STPG2: variants seen among roughly 807,000 people sequenced by gnomAD.
STPG2 encodes sperm-tail PG-rich repeat-containing protein 2.
Under a neutral mutation model 54.2 loss-of-function variants are expected in STPG2, and 56 were observed. The observed-to-expected ratio is 1.03, with a 90% CI of 0.83 to 1.29. The LOEUF (loss-of-function observed/expected upper bound fraction) is 1.29. Ranked by LOEUF, STPG2 falls within the 50% of genes most tolerant of loss-of-function variation. The pLI, the probability that STPG2 is intolerant of heterozygous loss-of-function variation, is 0.00. For missense variants in STPG2, 596 were observed against 544.9 expected, an observed-to-expected ratio of 1.09 and a Z score of -0.93; for synonymous variants, 200 against 181.8, an observed-to-expected ratio of 1.10 and a Z score of -0.81.
intron 4 of STPG2, among the ~76,000 whole-genome samples, chr4:97,549,704 G>T (rs1731923101): frequency 1.3e-5 from 2 of 152,118 alleles, no homozygotes; most frequent in Non-Finnish European, 2.9e-5. Flanking sequence ...AGAGAAGAAG[G>T]TCATGTAAAG....
At chr4:97,517,868 T>C (rs1731106439) in intron 4 of STPG2, among the ~76,000 whole-genome samples, 1 of 152,082 alleles carries the variant, frequency 6.6e-6, no homozygotes, top group Non-Finnish European at 1.5e-5. Context: ...TTGTTCATTT[T>C]CCTGTTTGAA....
At chr4:97,648,213 C>T (rs138597937) in intron 10 of STPG2, among the ~76,000 whole-genome samples, 99 of 152,138 alleles carry the variant, frequency 6.5e-4, no homozygotes, top group African/African-American at 2.2e-3. Flanking sequence ...TAAAGCCATC[C>T]CAGTGTGTGG....
At chr4:98,124,491 G>A (rs1183599681) in intron 3 of STPG2, among the ~76,000 whole-genome samples, 1 of 152,156 alleles carries the variant, frequency 6.6e-6, no homozygotes, top group Admixed American at 6.5e-5. Flanking sequence ...CTTTCAGAAT[G>A]TTGAATATTG....
intron 9 of STPG2, among the ~76,000 whole-genome samples, chr4:97,798,755 G>A (rs1413013859): frequency 1.6e-4 from 14 of 88,460 alleles, no homozygotes; most frequent in Non-Finnish European, 2.0e-4. Context: ...TTTCTGTCTC[G>A]TTGATCTGTC....
chr4:98,003,133 TA>T (rs1413430033), intron 5 of STPG2, among the ~76,000 whole-genome samples: 14 of 152,082 alleles, frequency 9.2e-5, no homozygotes, highest in Admixed American at 9.2e-4. Flanking sequence ...GGCTGTCTGA[TA>T]AGTCTGGATA....
At chr4:97,600,109 G>A (rs111843241) in intron 10 of STPG2, among the ~76,000 whole-genome samples, 41 of 152,184 alleles carry the variant, frequency 2.7e-4, no homozygotes, top group African/African-American at 9.1e-4. Flanking sequence ...TTGGTGGAGC[G>A]TGAGGATCAA....
intron 8 of STPG2, among the ~76,000 whole-genome samples, chr4:97,867,101 G>C (rs962649954): frequency 4.0e-5 from 6 of 151,898 alleles, no homozygotes; most frequent in African/African-American, 1.5e-4. Context: ...CCTAGAATCT[G>C]TTTATTGATC....
intron 5 of STPG2, among the ~76,000 whole-genome samples, chr4:98,065,848 G>A (rs1737817691): frequency 6.6e-6 from 1 of 151,902 alleles, no homozygotes; most frequent in Non-Finnish European, 1.5e-5. Flanking sequence ...TATTTAAGAT[G>A]GACTAAGCTC....
At chr4:97,736,987 C>G (rs371076121) in intron 9 of STPG2, among the ~76,000 whole-genome samples, 2 of 152,156 alleles carry the variant, frequency 1.3e-5, no homozygotes, top group Non-Finnish European at 2.9e-5. Context: ...ACACCTCACA[C>G]GGCCGGGTAC....
At chr4:97,795,865 T>C (rs963084957) in intron 9 of STPG2, among the ~76,000 whole-genome samples, 1 of 152,148 alleles carries the variant, frequency 6.6e-6, no homozygotes, top group Non-Finnish European at 1.5e-5. Context: ...GCACCTGTTG[T>C]TTCCTGACTT....
intron 10 of STPG2, among the ~76,000 whole-genome samples, chr4:97,631,049 G>C (rs1560693332): frequency 1.3e-5 from 2 of 151,604 alleles, no homozygotes; most frequent in African/African-American, 4.8e-5. Context: ...ATGATAACAA[G>C]ACACACACAC....
chr4:97,873,654 T>C (rs1195182009), intron 8 of STPG2, among the ~76,000 whole-genome samples: 1 of 151,540 alleles, frequency 6.6e-6, no homozygotes, highest in East Asian at 1.9e-4. Context: ...TACTCAAAAG[T>C]ATCCTAGTAC....
At chr4:97,641,414 T>G (rs1166442882) in intron 10 of STPG2, among the ~76,000 whole-genome samples, 1 of 143,410 alleles carries the variant, frequency 7.0e-6, no homozygotes, top group Non-Finnish European at 1.5e-5. Context: ...ATCATAGCAC[T>G]TATGTATACT....
chr4:97,452,853 G>A lies in STPG2; in HGVS notation c.462+259846C>T, dbSNP rs147522820. Among the ~76,000 whole-genome samples the A allele has an allele frequency of 6.1e-3, 928 of 152,260 alleles. 5 individuals carry two copies. Among genetic ancestry groups the A allele is most frequent in the South Asian group, 0.02 (98 of 4,826 alleles). On this transcript the variant is annotated intron_variant, in intron 4 of 4. Coordinates refer to the STPG2 transcript ENST00000522676. ...CTAGGAGCTGAACACTCATCAGAAC[G>A]CCCTGACTGTGGAAAGGAGCTATCC...
chr4:97,947,710 T>A lies in STPG2; in HGVS notation c.934-3703A>T, dbSNP rs143701184. Among the ~76,000 whole-genome samples the A allele has an allele frequency of 2.4e-3, 361 of 152,288 alleles. 2 individuals are homozygous for A. The highest frequency in any genetic ancestry group is 3.1e-3 in the Non-Finnish European group (214 of 67,998). ...TGTTTATGTGATGAATCATATTTAC[T>A]GACATGCTTATGTTAAACCATCCCT... On this transcript the variant is annotated intron_variant, in intron 7 of 10. Transcript: ENST00000295268.
At chr4:97,740,002 A>C (rs2149035381) in intron 9 of STPG2, among the ~76,000 whole-genome samples, 1 of 152,144 alleles carries the variant, frequency 6.6e-6, no homozygotes, top group South Asian at 2.1e-4. Flanking sequence ...GCACATCAAA[A>C]AGCTTATCCA....
At position 98,109,215 on chromosome 4, in the gene STPG2, G is replaced by C. The variant is rs527323238; in HGVS notation, c.478C>G (p.Pro160Ala). The C allele has an allele frequency of 6.2e-7, 1 of 1,609,616 alleles. No homozygotes were observed. Among genetic ancestry groups the C allele is most frequent in the East Asian group, 2.2e-5 (1 of 44,790 alleles). Residue 160 changes from proline (P) to alanine (A), a missense_variant, in exon 4 of 11, where the codon CCA (proline) becomes GCA (alanine). By Grantham distance (27) the Pro-to-Ala change is conservative (BLOSUM62 -1). Coordinates refer to ENST00000295268, the MANE Select transcript of STPG2 (RefSeq NM_174952.3). Reference sequence around the variant, plus strand: ...TACTGGACTATATCATACTGTCCTGGACCAGGACCTGACTTTTTAGGTAAC... The same window carrying C: ...TACTGGACTATATCATACTGTCCTGCACCAGGACCTGACTTTTTAGGTAAC... Reference protein sequence around the residue: ...QELPKKSGPGPGQYDIVQKKT... With the variant: ...QELPKKSGPGAGQYDIVQKKT...
At chr4:97,553,057 G>A (rs1407774664) in intron 4 of STPG2, among the ~76,000 whole-genome samples, 1 of 152,074 alleles carries the variant, frequency 6.6e-6, no homozygotes, top group Non-Finnish European at 1.5e-5. Context: ...CATTATAGAA[G>A]GAGATGGCAA....
intron 10 of STPG2, among the ~76,000 whole-genome samples, chr4:97,595,897 G>A (rs1033074313): frequency 2.6e-5 from 4 of 152,052 alleles, no homozygotes; most frequent in Non-Finnish European, 4.4e-5. Flanking sequence ...CATGATCACC[G>A]AATCAAATTC....
Sources: gnomAD v4.1 joint callset for allele counts (sites outside exome capture counted in the v4.1 genomes callset) on GRCh38, gnomAD v4.1.1 for gene constraint, MANE v1.5 for transcripts, NCBI Gene and HGNC (gene_info 2026-07-23, HGNC 2026-07-21) for gene names.